GRID2: variants seen among roughly 807,000 people sequenced by gnomAD.
The protein encoded by GRID2 is glutamate ionotropic receptor delta type subunit 2.
GRID2 carries 33 observed loss-of-function variants against 114.8 expected under a neutral mutation model. The ratio of observed to expected loss-of-function variants is 0.29; its 90% CI spans 0.22 to 0.38. The LOEUF is 0.38. Among genes scored for constraint, GRID2 ranks in the 10% least tolerant of loss-of-function variants. The pLI, the probability that GRID2 is intolerant of heterozygous loss-of-function variation, is 1.00. For synonymous variants in GRID2, 505 were observed against 449.9 expected (o/e 1.12, Z -1.55); for missense variants, 1,184 against 1,257.7 (o/e 0.94, Z 0.89).
At chr4:92,597,018 G>A (rs186265479) in intron 2 of GRID2, among the ~76,000 whole-genome samples, 2 of 152,062 alleles carry the variant, frequency 1.3e-5, no homozygotes, top group East Asian at 3.9e-4. Context: ...GAACAAGATG[G>A]TCTAGCTTTT....
chr4:92,936,045 A>G (rs1310310951), intron 2 of GRID2, among the ~76,000 whole-genome samples: 1 of 145,662 alleles, frequency 6.9e-6, no homozygotes, highest in Non-Finnish European at 1.5e-5. Flanking sequence ...TAATAATAAA[A>G]TAAAAAAAAG....
intron 6 of GRID2, among the ~76,000 whole-genome samples, chr4:93,223,128 T>C (rs370299945): frequency 1.3e-3 from 191 of 152,266 alleles, no homozygotes; most frequent in African/African-American, 4.1e-3. Context: ...TACTGCCTAA[T>C]TCCAACCTGA....
chr4:93,586,931 A>G (rs1737591801), intron 13 of GRID2, among the ~76,000 whole-genome samples: 1 of 152,116 alleles, frequency 6.6e-6, no homozygotes, highest in African/African-American at 2.4e-5. Flanking sequence ...GAATACATTC[A>G]GGTTGTTAAA....
intron 10 of GRID2, among the ~76,000 whole-genome samples, chr4:93,424,224 A>C (rs1299915175): frequency 6.6e-6 from 1 of 151,962 alleles, no homozygotes; most frequent in Non-Finnish European, 1.5e-5. Context: ...GAAAGAAAAA[A>C]AAAAAGACAG....
chr4:93,637,464 C>T (rs1721514266), intron 14 of GRID2, among the ~76,000 whole-genome samples: 1 of 152,172 alleles, frequency 6.6e-6, no homozygotes, highest in Non-Finnish European at 1.5e-5. Context: ...AGTCTAAGAA[C>T]ATGCACCAGT....
intron 2 of GRID2, among the ~76,000 whole-genome samples, chr4:92,846,164 AT>A (rs1743308253): frequency 6.6e-6 from 1 of 152,090 alleles, no homozygotes; most frequent in Non-Finnish European, 1.5e-5. Flanking sequence ...ATTTCTGTTT[AT>A]AATTTCACCT....
intron 1 of GRID2, among the ~76,000 whole-genome samples, chr4:92,356,922 C>G (rs181059373): frequency 5.5e-4 from 83 of 151,962 alleles, no homozygotes; most frequent in African/African-American, 1.9e-3. Context: ...CTGTAACAAA[C>G]TATGATCTAG....
chr4:93,054,418 TTCTC>T (rs1386472076), intron 2 of GRID2, among the ~76,000 whole-genome samples: 2 of 151,918 alleles, frequency 1.3e-5, no homozygotes, highest in African/African-American at 4.8e-5. Context: ...TTGCCAGTCT[TTCTC>T]TGTTAGATTG....
At chr4:93,425,003 T>G (rs1768700030) in intron 10 of GRID2, among the ~76,000 whole-genome samples, 1 of 152,172 alleles carries the variant, frequency 6.6e-6, no homozygotes, top group Non-Finnish European at 1.5e-5. Flanking sequence ...TTCCAGAATT[T>G]CAATTTTTTG....
At chr4:92,529,018 A>G (rs1168808870) in intron 1 of GRID2, among the ~76,000 whole-genome samples, 1 of 152,088 alleles carries the variant, frequency 6.6e-6, no homozygotes, top group Non-Finnish European at 1.5e-5. Flanking sequence ...CTGCAAAAAG[A>G]TAAAAACTCC....
chr4:92,688,037 C>CCTTTT (rs1553916864), intron 2 of GRID2, among the ~76,000 whole-genome samples: 454 of 44,620 alleles, frequency 0.01, 25 homozygotes, highest in Non-Finnish European at 0.014. Flanking sequence ...CCTTCTTCTT[C>CCTTTT]TTTTTTTTTT....
intron 8 of GRID2, 78 bp from the exon 9 acceptor site, chr4:93,395,529 G>A: frequency 1.4e-6 from 1 of 698,282 alleles, no homozygotes; most frequent in South Asian, 1.7e-5. Context: ...CTATCACATA[G>A]TTCTCCATAA....
chr4:92,610,415 G>A (rs189854292), intron 2 of GRID2, among the ~76,000 whole-genome samples: 29 of 151,630 alleles, frequency 1.9e-4, no homozygotes, highest in Admixed American at 1.6e-3. Flanking sequence ...TAAACATAAC[G>A]ATCATACCTG....
At chr4:93,365,807 GGA>G (rs1179335903) in intron 8 of GRID2, among the ~76,000 whole-genome samples, 5 of 152,108 alleles carry the variant, frequency 3.3e-5, no homozygotes. Context: ...CCAAATGGAG[GGA>G]CTGGCTGAAG....
chr4:92,819,448 A>G (rs1370932662), intron 2 of GRID2, among the ~76,000 whole-genome samples: 3 of 152,142 alleles, frequency 2.0e-5, no homozygotes, highest in Admixed American at 1.3e-4. Flanking sequence ...TTAAAAAGGA[A>G]TATTAGAATC....
At chr4:92,610,267 C>A (rs1411517652) in intron 2 of GRID2, among the ~76,000 whole-genome samples, 3 of 151,600 alleles carry the variant, frequency 2.0e-5, no homozygotes. Context: ...TAGGGGATGA[C>A]TGAGCAACAA....
At chr4:92,740,932 T>C (rs1209256325) in intron 2 of GRID2, among the ~76,000 whole-genome samples, 1 of 152,052 alleles carries the variant, frequency 6.6e-6, no homozygotes, top group African/African-American at 2.4e-5. Context: ...GTTTTATTAG[T>C]TTTATTAGAA....
chr4:93,686,520 G>T (rs1209254161), intron 14 of GRID2, among the ~76,000 whole-genome samples: 1 of 151,828 alleles, frequency 6.6e-6, no homozygotes, highest in African/African-American at 2.4e-5. Context: ...CACCTTCATG[G>T]AACTTGCATT....
At chr4:93,486,413 G>C (rs1560671061) in intron 11 of GRID2, among the ~76,000 whole-genome samples, 1 of 151,318 alleles carries the variant, frequency 6.6e-6, no homozygotes. Flanking sequence ...TTAGCAATTT[G>C]TGTCCTTTAA....
Sources: gnomAD v4.1 joint callset for allele counts (sites outside exome capture counted in the v4.1 genomes callset) on GRCh38, gnomAD v4.1.1 for gene constraint, MANE v1.5 for transcripts, NCBI Gene and HGNC (gene_info 2026-07-23, HGNC 2026-07-21) for gene names.